CTNNA2: variants seen among roughly 807,000 people sequenced by gnomAD.
The protein encoded by CTNNA2 is catenin alpha 2, also known as catenin alpha-2.
A neutral mutation model predicts 101.0 loss-of-function variants in CTNNA2; 42 were observed. That is an observed-to-expected ratio of 0.42 (90% CI 0.32 to 0.54). The LOEUF (loss-of-function observed/expected upper bound fraction) is 0.54. Among genes scored for constraint, CTNNA2 ranks in the 20% least tolerant of loss-of-function variants. The probability of loss-of-function intolerance (pLI) is 0.14; values close to 1 mark genes in which losing one functional copy is unlikely to be tolerated. For synonymous variants in CTNNA2, 450 were observed against 456.4 expected, an observed-to-expected ratio of 0.99 and a Z score of 0.18; for missense variants, 871 against 1,223.1, an observed-to-expected ratio of 0.71 and a Z score of 4.29.
At chr2:80,147,440 G>A (rs1375405040) in intron 7 of CTNNA2, among the ~76,000 whole-genome samples, 1 of 152,130 alleles carries the variant, frequency 6.6e-6, no homozygotes, top group East Asian at 1.9e-4. Flanking sequence ...TAAAAATGGC[G>A]AATGGATATA....
At chr2:79,675,174 T>G (rs1419230215) in intron 2 of CTNNA2, among the ~76,000 whole-genome samples, 2 of 152,230 alleles carry the variant, frequency 1.3e-5, no homozygotes, top group Non-Finnish European at 2.9e-5. Context: ...TGAATTGATT[T>G]CTTTACAATT....
chr2:79,195,281 C>A (rs1015613697), intron 1 of CTNNA2, among the ~76,000 whole-genome samples: 1 of 152,178 alleles, frequency 6.6e-6, no homozygotes, highest in African/African-American at 2.4e-5. Flanking sequence ...GCACCAAATG[C>A]AGAAATGGGA....
intron 7 of CTNNA2, among the ~76,000 whole-genome samples, chr2:80,239,856 G>C (rs1173677957): frequency 6.6e-6 from 1 of 151,594 alleles, no homozygotes; most frequent in African/African-American, 2.4e-5. Context: ...AAGTTGCAGT[G>C]AGCCGAGATC....
At chr2:79,579,730 T>C (rs1676031309) in intron 1 of CTNNA2, among the ~76,000 whole-genome samples, 1 of 152,176 alleles carries the variant, frequency 6.6e-6, no homozygotes, top group African/African-American at 2.4e-5. Context: ...TTCTCCTGCC[T>C]CAGCCTCCCG....
At chr2:80,616,266 G>A (rs967196214) in intron 17 of CTNNA2, among the ~76,000 whole-genome samples, 3 of 151,650 alleles carry the variant, frequency 2.0e-5, no homozygotes, top group African/African-American at 7.3e-5. Flanking sequence ...TTCTGTATGT[G>A]AGACGCTACC....
At chr2:80,331,663 A>G (rs1361640545) in intron 7 of CTNNA2, among the ~76,000 whole-genome samples, 2 of 152,172 alleles carry the variant, frequency 1.3e-5, no homozygotes, top group Non-Finnish European at 2.9e-5. Context: ...ATTCCCGAGC[A>G]ATGATGACCA....
intron 7 of CTNNA2, among the ~76,000 whole-genome samples, chr2:80,054,210 G>A (rs4331529): frequency 0.16 from 24,129 of 151,854 alleles, 2,273 homozygotes; most frequent in Middle Eastern, 0.24. Flanking sequence ...GTGGTTGGGC[G>A]TTAAGCTTTA....
intron 4 of CTNNA2, among the ~76,000 whole-genome samples, chr2:79,425,404 A>G (rs1315274615): frequency 6.6e-6 from 1 of 152,178 alleles, no homozygotes; most frequent in Non-Finnish European, 1.5e-5. Context: ...TGGATAATAT[A>G]TAAAGGACAG....
chr2:80,646,716 C>G (rs1674132146), intron 18 of CTNNA2, among the ~76,000 whole-genome samples: 1 of 151,918 alleles, frequency 6.6e-6, no homozygotes, highest in African/African-American at 2.4e-5. Context: ...TATTCCTGGC[C>G]TAAAAGTCTG....
At chr2:80,195,990 A>C (rs1236745802) in intron 7 of CTNNA2, among the ~76,000 whole-genome samples, 3 of 152,192 alleles carry the variant, frequency 2.0e-5, no homozygotes, top group African/African-American at 4.8e-5. Flanking sequence ...GTGGATTTGC[A>C]TCACTATCAA....
intron 7 of CTNNA2, among the ~76,000 whole-genome samples, chr2:80,158,950 A>G (rs1704141743): frequency 6.6e-6 from 1 of 152,074 alleles, no homozygotes; most frequent in Non-Finnish European, 1.5e-5. Context: ...ATGGAACCAT[A>G]CAGTCCGTGA....
Position 80,512,099 on chromosome 2 carries a change from G to A in CTNNA2, c.1291-32883G>A, listed in dbSNP as rs562635242. Among the ~76,000 whole-genome samples, 3 of 132,942 alleles carry A rather than the reference G, an allele frequency of 2.3e-5. No individual in the cohort carries two copies. In the South Asian group the frequency reaches 7.3e-4, roughly 32 times the overall value. 87.2% of individuals were successfully genotyped at this position (132,942 alleles called of 152,430 possible). On this transcript the variant is annotated intron_variant, in intron 9 of 18. Transcript: ENST00000402739. ...CAGGAGGTAAAGGTTGCAGTGAGCCGAGATCACACCACTGCACTCCAGCCT... is the reference window on the plus strand; with the variant it reads ...CAGGAGGTAAAGGTTGCAGTGAGCCAAGATCACACCACTGCACTCCAGCCT...
At chr2:79,718,215 G>A (rs1053450087) in intron 2 of CTNNA2, among the ~76,000 whole-genome samples, 2 of 152,096 alleles carry the variant, frequency 1.3e-5, no homozygotes, top group African/African-American at 4.8e-5. Flanking sequence ...CTCAAATGAA[G>A]TTAACAAGTA....
At chr2:80,276,286 G>A (rs888038482) in intron 7 of CTNNA2, among the ~76,000 whole-genome samples, 20 of 152,128 alleles carry the variant, frequency 1.3e-4, no homozygotes, top group African/African-American at 4.8e-4. Flanking sequence ...CTTCACAAGA[G>A]TGTCCCCACT....
chr2:80,096,271 C>T (rs1227587285), intron 7 of CTNNA2, among the ~76,000 whole-genome samples: 1 of 152,194 alleles, frequency 6.6e-6, no homozygotes, highest in East Asian at 1.9e-4. Flanking sequence ...ACTCAGTAGT[C>T]GTTCAGGAGC....
intron 3 of CTNNA2, among the ~76,000 whole-genome samples, chr2:79,790,916 AC>A (rs1244228950): frequency 6.6e-6 from 1 of 152,218 alleles, no homozygotes; most frequent in Non-Finnish European, 1.5e-5. Flanking sequence ...GAAATTATGA[AC>A]CATTTTGCAG....
At chr2:80,594,074 T>C (rs1696738154) in intron 15 of CTNNA2, among the ~76,000 whole-genome samples, 1 of 152,134 alleles carries the variant, frequency 6.6e-6, no homozygotes, top group African/African-American at 2.4e-5. Flanking sequence ...GGCTGCACCA[T>C]TTTACATTCC....
chr2:79,628,045 G>A (rs567682526), intron 1 of CTNNA2, among the ~76,000 whole-genome samples: 1 of 152,200 alleles, frequency 6.6e-6, no homozygotes, highest in East Asian at 1.9e-4. Context: ...ATTTTAAAAA[G>A]CATGTTCATG....
intron 9 of CTNNA2, among the ~76,000 whole-genome samples, chr2:80,453,930 T>G (rs1234005822): frequency 1.3e-5 from 2 of 152,292 alleles, no homozygotes; most frequent in African/African-American, 4.8e-5. Flanking sequence ...GGAACTCTCC[T>G]TGACTGAAAT....
Sources: allele counts gnomAD v4.1 joint callset (sites outside exome capture counted in the v4.1 genomes callset), GRCh38; gene constraint gnomAD v4.1.1; transcripts MANE v1.5; gene names NCBI Gene and HGNC (gene_info 2026-07-23, HGNC 2026-07-21).